RYR3: variants seen among roughly 807,000 people sequenced by gnomAD.
RYR3 encodes the protein brain ryanodine receptor-calcium release channel.
Under a neutral mutation model 584.3 loss-of-function variants are expected in RYR3, and 207 were observed. The observed-to-expected ratio is 0.35, with a 90% CI of 0.32 to 0.40. The LOEUF (loss-of-function observed/expected upper bound fraction) is 0.40. Ranked by LOEUF, RYR3 falls within the 10% of genes least tolerant of loss-of-function variation. RYR3 has a pLI of 1.00. For missense variants in RYR3, 5,616 were observed against 6,089.2 expected, an observed-to-expected ratio of 0.92 and a Z score of 2.59; for synonymous variants, 2,416 against 2,248.5, an observed-to-expected ratio of 1.07 and a Z score of -2.11.
In RYR3 at chr15:33,519,929, C is replaced by T. The variant is rs118146487; in HGVS notation, c.280-10663C>T. ...GTTTTGCTGGGTAATATAAACTTGG[C>T]CCCATGCTCATTATGTGGATATAGA... On this transcript the variant is annotated intron_variant, in intron 3 of 103. Transcript: ENST00000634891. Among the ~76,000 whole-genome samples, 1,059 of 152,178 alleles carry T rather than the reference C, an allele frequency of 7.0e-3. 5 individuals are homozygous for T. Among genetic ancestry groups the T allele is most frequent in the Middle Eastern group, 0.014 (4 of 294 alleles).
intron 42 of RYR3, among the ~76,000 whole-genome samples, chr15:33,702,183 G>A (rs904998461): frequency 5.3e-5 from 8 of 152,150 alleles, no homozygotes; most frequent in African/African-American, 1.7e-4. Context: ...AGAGCGCTGG[G>A]CTGTGGAGGC....
At chr15:33,560,548 T>C (rs552830365) in intron 10 of RYR3, among the ~76,000 whole-genome samples, 1 of 152,270 alleles carries the variant, frequency 6.6e-6, no homozygotes, top group Non-Finnish European at 1.5e-5. Context: ...ATTATTTTAA[T>C]CAGGAGCTAT....
At chr15:33,859,488 C>A (rs2080106126) in intron 99 of RYR3, 87 bp from the exon 100 acceptor site, 2 of 1,492,964 alleles carry the variant, frequency 1.3e-6, no homozygotes, top group Middle Eastern at 1.7e-4. Flanking sequence ...CTGCCACAAT[C>A]TGACCGAATC....
intron 1 of RYR3, among the ~76,000 whole-genome samples, chr15:33,461,597 G>A (rs1300408770): frequency 6.6e-6 from 1 of 152,136 alleles, no homozygotes; most frequent in Non-Finnish European, 1.5e-5. Context: ...TATGATCCTC[G>A]CCTTCTAAGC....
chr15:33,368,338 CTTTTTTTTTTTT>C (rs35491164), intron 1 of RYR3, among the ~76,000 whole-genome samples: 2 of 85,824 alleles, frequency 2.3e-5, no homozygotes, highest in African/African-American at 9.9e-5. Flanking sequence ...GCCTTCCTGT[CTTTTTTTTTTTT>C]TTTTTTTTTT....
intron 1 of RYR3, among the ~76,000 whole-genome samples, chr15:33,433,257 G>A (rs962861748): frequency 3.9e-5 from 6 of 152,196 alleles, no homozygotes; most frequent in Non-Finnish European, 2.9e-5. Context: ...CCACAGGAAA[G>A]TCATTGTTAT....
At chr15:33,339,699 C>A (rs1003347785) in intron 1 of RYR3, among the ~76,000 whole-genome samples, 4 of 152,094 alleles carry the variant, frequency 2.6e-5, no homozygotes, top group South Asian at 2.1e-4. Flanking sequence ...ACCATCCTGG[C>A]TAACACGGTG....
At chr15:33,511,937 C>A (rs897909533) in intron 3 of RYR3, among the ~76,000 whole-genome samples, 1 of 152,146 alleles carries the variant, frequency 6.6e-6, no homozygotes, top group Non-Finnish European at 1.5e-5. Flanking sequence ...CGCCACCACG[C>A]CCGGCTAATT....
intron 1 of RYR3, among the ~76,000 whole-genome samples, chr15:33,399,240 T>TAGCC (rs2141353056): frequency 6.6e-6 from 1 of 152,360 alleles, no homozygotes; most frequent in South Asian, 2.1e-4. Flanking sequence ...ATTTGCTTGC[T>TAGCC]AGCCAATTTA....
chr15:33,638,700 G>A (rs2061634266), intron 27 of RYR3, among the ~76,000 whole-genome samples: 1 of 152,180 alleles, frequency 6.6e-6, no homozygotes, highest in South Asian at 2.1e-4. Context: ...AGTAGTAGCA[G>A]TATTAAGGAG....
chr15:33,492,447 T>C (rs950325473), intron 2 of RYR3, among the ~76,000 whole-genome samples: 1 of 140,142 alleles, frequency 7.1e-6, no homozygotes, highest in African/African-American at 2.7e-5. Flanking sequence ...TTTCTAGAGA[T>C]ATTATTTCTC....
chr15:33,315,904 C>T (rs1567012043), intron 1 of RYR3, among the ~76,000 whole-genome samples: 2 of 152,146 alleles, frequency 1.3e-5, no homozygotes, highest in South Asian at 2.1e-4. Context: ...GAATGCAATG[C>T]GGCCCACTGT....
chr15:33,664,593 A>G lies in RYR3; in HGVS notation c.5619+856A>G, dbSNP rs201586950. ...TAGATATATGTGTGTGTGTGTGTAT[A>G]TATATATATATATATATATATACGT... On this transcript the variant is annotated intron_variant, in intron 36 of 103. Coordinates refer to ENST00000634891, the MANE Select transcript of RYR3 (RefSeq NM_001036.6). Among the ~76,000 whole-genome samples the G allele has an allele frequency of 4.5e-4, 53 of 119,040 alleles. 3 individuals are homozygous for G. In the South Asian group the frequency reaches 6.2e-3, roughly 14 times the overall value. The allele number at this position is 119,040 out of a possible 152,430, so 78.1% of individuals were successfully genotyped here.
intron 67 of RYR3, among the ~76,000 whole-genome samples, chr15:33,794,128 T>TAAA (rs1491241987): frequency 8.4e-4 from 82 of 97,716 alleles, no homozygotes; most frequent in Non-Finnish European, 1.4e-3. Flanking sequence ...TAAATATATA[T>TAAA]TTATATATAA....
Position 33,601,553 on chromosome 15 carries a change from G to C in RYR3, c.1922+1G>C, listed in dbSNP as rs1272193121. On this transcript the variant is annotated splice_donor_variant, in intron 17 of 103. Transcript: ENST00000634891. LOFTEE classifies it high-confidence loss of function. The stretch of plus-strand genomic sequence containing the variant: ...CACGACTGATTAACGATGTAACCAG[G>C]TAAGGCCACCACCACCATTCCAAAT... 1 of 1,613,602 alleles carries C rather than the reference G, an allele frequency of 6.2e-7. No individual in the cohort carries two copies. Among genetic ancestry groups the C allele is most frequent in the Non-Finnish European group, 8.5e-7 (1 of 1,179,768 alleles).
intron 1 of RYR3, among the ~76,000 whole-genome samples, chr15:33,342,345 A>C (rs1245935599): frequency 6.6e-6 from 1 of 152,252 alleles, no homozygotes; most frequent in Admixed American, 6.5e-5. Flanking sequence ...AGTTGTACTC[A>C]TAAAAGAAAT....
intron 3 of RYR3, among the ~76,000 whole-genome samples, chr15:33,516,987 T>C (rs915757121): frequency 2.6e-5 from 4 of 152,158 alleles, no homozygotes; most frequent in African/African-American, 9.7e-5. Flanking sequence ...CTACCTTTTA[T>C]TTTATTATTA....
At chr15:33,416,489 G>A (rs558040910) in intron 1 of RYR3, among the ~76,000 whole-genome samples, 1 of 151,948 alleles carries the variant, frequency 6.6e-6, no homozygotes, top group Non-Finnish European at 1.5e-5. Context: ...TTGGCTATTT[G>A]TATGTCTTTT....
At chr15:33,864,463 TTGTC>T (rs971659915) in intron 103 of RYR3, among the ~76,000 whole-genome samples, 6 of 152,138 alleles carry the variant, frequency 3.9e-5, no homozygotes, top group Middle Eastern at 3.4e-3. Flanking sequence ...AAATAAGAAA[TTGTC>T]TGACAATAAG....
Sources: allele counts gnomAD v4.1 joint callset (sites outside exome capture counted in the v4.1 genomes callset), GRCh38; gene constraint gnomAD v4.1.1; transcripts MANE v1.5; gene names NCBI Gene and HGNC (gene_info 2026-07-23, HGNC 2026-07-21).